The following ZNF618 variants were observed in gnomAD, a reference collection of about 807,000 sequenced individuals.
The protein encoded by ZNF618 is zinc finger protein 618, also known as neural precursor cell expressed, developmentally down-regulated 10.
In ZNF618, 34 loss-of-function variants were observed where a neutral mutation model predicts 103.0. The observed-to-expected ratio is 0.33, with a 90% CI of 0.25 to 0.44. The LOEUF is 0.44. ZNF618 is among the 20% of genes least tolerant of loss of function. The pLI is 1.00. For synonymous variants in ZNF618, 551 were observed against 542.2 expected, an observed-to-expected ratio of 1.02 and a Z score of -0.23; for missense variants, 1,059 against 1,295.4, an observed-to-expected ratio of 0.82 and a Z score of 2.80.
intron 13 of ZNF618, among the ~76,000 whole-genome samples, chr9:114,037,584 CAT>C (rs1449044528): frequency 6.6e-6 from 1 of 152,178 alleles, no homozygotes; most frequent in East Asian, 1.9e-4. Context: ...ACGTGCCTGA[CAT>C]AATGGTGCTC....
chr9:113,981,405 G>A (rs534142875), intron 2 of ZNF618, among the ~76,000 whole-genome samples: 1 of 152,310 alleles, frequency 6.6e-6, no homozygotes, highest in African/African-American at 2.4e-5. Context: ...GGCCTTAGAT[G>A]TCTCTGATCC....
chr9:113,951,417 A>ACATATGTGTG (rs1835589958), intron 1 of ZNF618, among the ~76,000 whole-genome samples: 1 of 63,974 alleles, frequency 1.6e-5, no homozygotes, highest in Non-Finnish European at 3.0e-5. Context: ...ATATACACAC[A>ACATATGTGTG]TATATGTGTG....
intron 9 of ZNF618, chr9:114,016,287 A>G (rs1482928040): frequency 2.3e-6 from 2 of 857,542 alleles, no homozygotes; most frequent in East Asian, 2.5e-5. Flanking sequence ...GGGTGTGGCC[A>G]CTGCAGAGGG....
chr9:113,991,310 G>A (rs941319076), intron 3 of ZNF618, among the ~76,000 whole-genome samples: 3 of 152,214 alleles, frequency 2.0e-5, no homozygotes, highest in Non-Finnish European at 4.4e-5. Flanking sequence ...CCACCTCATG[G>A]GCGTGGCCAT....
At chr9:114,042,412 C>G (rs1161751858) in intron 13 of ZNF618, among the ~76,000 whole-genome samples, 2 of 152,136 alleles carry the variant, frequency 1.3e-5, no homozygotes, top group African/African-American at 4.8e-5. Flanking sequence ...GTGGCTCATG[C>G]CTGTAATCCC....
chr9:113,973,453 C>A (rs540366225), intron 2 of ZNF618, among the ~76,000 whole-genome samples: 1 of 152,146 alleles, frequency 6.6e-6, no homozygotes, highest in African/African-American at 2.4e-5. Flanking sequence ...TGGGCTGCTA[C>A]GGAATTAGTG....
chr9:113,903,220 C>G (rs536477943), intron 1 of ZNF618, among the ~76,000 whole-genome samples: 11 of 152,248 alleles, frequency 7.2e-5, no homozygotes, highest in Middle Eastern at 3.4e-3. Context: ...TCTTTGAAAA[C>G]AATACAGATG....
chr9:113,876,890 T>A (rs1828005532), intron 1 of ZNF618, among the ~76,000 whole-genome samples: 1 of 151,178 alleles, frequency 6.6e-6, no homozygotes, highest in African/African-American at 2.4e-5. Flanking sequence ...TTAGGCCATA[T>A]TTTCCTTTCT....
At chr9:114,007,567 A>G (rs1217197607) in intron 7 of ZNF618, 128 bp downstream of exon 7, 2 of 786,164 alleles carry the variant, frequency 2.5e-6, no homozygotes, top group Non-Finnish European at 4.0e-6. Flanking sequence ...AGCTGGAACC[A>G]TGAGGGGAAT....
intron 1 of ZNF618, among the ~76,000 whole-genome samples, chr9:113,958,866 C>G (rs814684): frequency 0.06 from 9,175 of 152,286 alleles, 374 homozygotes; most frequent in African/African-American, 0.12. Flanking sequence ...AACCAGCAGC[C>G]CATCGGAGGA....
chr9:113,950,910 C>T (rs1295621314), intron 1 of ZNF618, among the ~76,000 whole-genome samples: 13 of 146,876 alleles, frequency 8.9e-5, no homozygotes, highest in Admixed American at 1.4e-4. Flanking sequence ...CTGGTGTGGC[C>T]GGACTGTCTA....
intron 1 of ZNF618, among the ~76,000 whole-genome samples, chr9:113,947,885 T>C (rs776559132): frequency 6.6e-6 from 1 of 152,222 alleles, no homozygotes; most frequent in Non-Finnish European, 1.5e-5. Context: ...CACAGCTGCC[T>C]CAGACTTTGA....
chr9:113,930,215 G>A (rs1833451116), intron 1 of ZNF618, among the ~76,000 whole-genome samples: 1 of 152,308 alleles, frequency 6.6e-6, no homozygotes, highest in African/African-American at 2.4e-5. Flanking sequence ...AAACTGAAAT[G>A]TATGTCAAGG....
intron 1 of ZNF618, among the ~76,000 whole-genome samples, chr9:113,949,707 T>C (rs1835366060): frequency 6.6e-6 from 1 of 152,232 alleles, no homozygotes; most frequent in African/African-American, 2.4e-5. Flanking sequence ...GCCACCACAC[T>C]GGCTCCGCCT....
At chr9:114,004,415 G>A (rs7858120) in intron 6 of ZNF618, among the ~76,000 whole-genome samples, 48,566 of 152,058 alleles carry the variant, frequency 0.32, 8,674 homozygotes, top group East Asian at 0.6. Context: ...CCATGGACTG[G>A]CTGCGGTCAG....
intron 1 of ZNF618, among the ~76,000 whole-genome samples, chr9:113,889,075 A>G (rs993999382): frequency 2.0e-5 from 3 of 152,124 alleles, no homozygotes; most frequent in Non-Finnish European, 4.4e-5. Context: ...TTGCTGTGCA[A>G]CAAATCACCC....
At chr9:113,963,914 A>G (rs1167787259) in intron 1 of ZNF618, among the ~76,000 whole-genome samples, 1 of 152,184 alleles carries the variant, frequency 6.6e-6, no homozygotes, top group Non-Finnish European at 1.5e-5. Context: ...CCAGTCCCGT[A>G]GAGTTGGTTG....
At chr9:114,027,693 A>T (rs1036978072) in intron 10 of ZNF618, among the ~76,000 whole-genome samples, 3 of 152,170 alleles carry the variant, frequency 2.0e-5, no homozygotes, top group African/African-American at 7.2e-5. Context: ...CTGTCTTAGG[A>T]GCAGGGAGAT....
intron 1 of ZNF618, among the ~76,000 whole-genome samples, chr9:113,951,437 A>ATGTG (rs1564206943): frequency 1.2e-5 from 1 of 82,012 alleles, no homozygotes; most frequent in African/African-American, 4.8e-5. Flanking sequence ...GTGTGTATAT[A>ATGTG]TATACATATA....
Sources: gnomAD v4.1 joint callset for allele counts (sites outside exome capture counted in the v4.1 genomes callset) on GRCh38, gnomAD v4.1.1 for gene constraint, MANE v1.5 for transcripts, NCBI Gene and HGNC (gene_info 2026-07-23, HGNC 2026-07-21) for gene names.